Variants in SMYD3 observed in about 807,000 individuals in gnomAD.
SMYD3 encodes the protein histone-lysine N-methyltransferase SMYD3.
Under a neutral mutation model 57.7 loss-of-function variants are expected in SMYD3, and 36 were observed. The ratio of observed to expected loss-of-function variants is 0.62; its 90% confidence interval spans 0.48 to 0.82. SMYD3 has a LOEUF of 0.82. Ranked by LOEUF, SMYD3 falls within the 40% of genes least tolerant of loss-of-function variation. The pLI, the probability that SMYD3 is intolerant of heterozygous loss-of-function variation, is 0.00. For missense variants in SMYD3, 515 were observed against 538.8 expected (o/e 0.96, Z 0.44); for synonymous variants, 211 against 195.0 (o/e 1.08, Z -0.68).
At chr1:246,087,011 G>C (rs1290545303) in intron 5 of SMYD3, among the ~76,000 whole-genome samples, 2 of 152,152 alleles carry the variant, frequency 1.3e-5, no homozygotes, top group Non-Finnish European at 2.9e-5. Context: ...GTTTGCTGAG[G>C]ATAATGGCTT....
At chr1:246,459,372 C>T (rs894134326) in intron 1 of SMYD3, among the ~76,000 whole-genome samples, 3 of 151,992 alleles carry the variant, frequency 2.0e-5, no homozygotes, top group African/African-American at 4.8e-5. Flanking sequence ...TCCCCATTCA[C>T]TCTCTCCTGC....
chr1:246,010,376 G>A (rs1046246664), intron 5 of SMYD3, among the ~76,000 whole-genome samples: 13 of 152,132 alleles, frequency 8.5e-5, no homozygotes, highest in Admixed American at 8.5e-4. Flanking sequence ...TCTCCATGCA[G>A]AGAAAGACCT....
chr1:245,797,971 A>G (rs952960189), intron 10 of SMYD3, among the ~76,000 whole-genome samples: 1 of 152,074 alleles, frequency 6.6e-6, no homozygotes, highest in Admixed American at 6.6e-5. Context: ...TCAGTACGTG[A>G]GAATTTTGGG....
At chr1:246,026,259 AAAG>A (rs569036328) in intron 5 of SMYD3, among the ~76,000 whole-genome samples, 45 of 152,362 alleles carry the variant, frequency 3.0e-4, no homozygotes, top group African/African-American at 1.1e-3. Flanking sequence ...AAGAGAGCAT[AAAG>A]AAGTCTTAGA....
chr1:246,002,735 C>A (rs549211267), intron 5 of SMYD3, among the ~76,000 whole-genome samples: 1 of 151,632 alleles, frequency 6.6e-6, no homozygotes, highest in Admixed American at 6.6e-5. Context: ...GACAGGCGCC[C>A]GCCACCACGC....
chr1:246,108,951 T>C (rs1240422762), intron 5 of SMYD3, among the ~76,000 whole-genome samples: 5 of 152,240 alleles, frequency 3.3e-5, no homozygotes, highest in Non-Finnish European at 7.3e-5. Context: ...CACCATCTTC[T>C]GTGTAGTCTT....
intron 5 of SMYD3, among the ~76,000 whole-genome samples, chr1:246,124,548 C>T (rs1257925330): frequency 6.6e-6 from 1 of 152,052 alleles, no homozygotes; most frequent in East Asian, 1.9e-4. Flanking sequence ...CTATTAGGTG[C>T]AAAACACTGA....
intron 5 of SMYD3, among the ~76,000 whole-genome samples, chr1:246,264,424 A>C (rs2064066849): frequency 6.6e-6 from 1 of 152,238 alleles, no homozygotes; most frequent in Non-Finnish European, 1.5e-5. Context: ...CCAAGGTAGG[A>C]GGATGGCTTC....
chr1:246,324,233 G>C (rs2065300016), intron 5 of SMYD3, among the ~76,000 whole-genome samples: 1 of 151,922 alleles, frequency 6.6e-6, no homozygotes, highest in African/African-American at 2.4e-5. Context: ...TGGCCAACGT[G>C]GTGCAACGTT....
intron 5 of SMYD3, among the ~76,000 whole-genome samples, chr1:246,159,492 T>C (rs1003691171): frequency 8.6e-5 from 13 of 151,784 alleles, no homozygotes; most frequent in African/African-American, 3.2e-4. Flanking sequence ...CTCTAAACTG[T>C]CCCACAGATA....
chr1:246,124,154 C>G (rs1474164299), intron 5 of SMYD3, among the ~76,000 whole-genome samples: 1 of 152,190 alleles, frequency 6.6e-6, no homozygotes, highest in Non-Finnish European at 1.5e-5. Context: ...GCAAAAGCAA[C>G]TGTTTTAATA....
chr1:246,130,737 T>A (rs982774941), intron 5 of SMYD3, among the ~76,000 whole-genome samples: 9 of 152,314 alleles, frequency 5.9e-5, no homozygotes, highest in Admixed American at 5.9e-4. Flanking sequence ...ATTTCCTTTC[T>A]CCTGCCTGAA....
intron 1 of SMYD3, among the ~76,000 whole-genome samples, chr1:246,391,749 G>C (rs1446020043): frequency 1.3e-5 from 2 of 152,074 alleles, no homozygotes; most frequent in East Asian, 3.9e-4. Context: ...AGAGAGGGAA[G>C]AATTTTCTGA....
chr1:245,877,538 T>C (rs12123605), intron 8 of SMYD3, among the ~76,000 whole-genome samples: 91,995 of 152,042 alleles, frequency 0.61, 30,873 homozygotes, highest in Non-Finnish European at 0.77. Flanking sequence ...AGAGATGACA[T>C]GAATCTGAAT....
At chr1:245,913,403 C>T (rs1407236464) in intron 8 of SMYD3, among the ~76,000 whole-genome samples, 3 of 151,452 alleles carry the variant, frequency 2.0e-5, no homozygotes, top group Admixed American at 6.6e-5. Context: ...AGGAGATATA[C>T]CTAATGTAAA....
intron 10 of SMYD3, among the ~76,000 whole-genome samples, chr1:245,825,531 G>A (rs146097509): frequency 0.024 from 3,597 of 152,210 alleles, 80 homozygotes; most frequent in Middle Eastern, 0.058. Flanking sequence ...CTTCAGGCTG[G>A]AAGGGGCTCA....
chr1:246,008,494 C>G (rs150201085), intron 5 of SMYD3, among the ~76,000 whole-genome samples: 2 of 152,334 alleles, frequency 1.3e-5, no homozygotes, highest in East Asian at 3.9e-4. Flanking sequence ...CATTTCTGTA[C>G]TTAGAAGTCG....
At chr1:246,108,232 G>A (rs1034384555) in intron 5 of SMYD3, among the ~76,000 whole-genome samples, 5 of 152,174 alleles carry the variant, frequency 3.3e-5, no homozygotes, top group African/African-American at 1.2e-4. Context: ...TGTGTCAGAG[G>A]CTGTGGAACA....
intron 5 of SMYD3, among the ~76,000 whole-genome samples, chr1:246,115,958 G>T (rs1044645341): frequency 6.6e-6 from 1 of 151,788 alleles, no homozygotes; most frequent in East Asian, 1.9e-4. Context: ...GGCCAACATG[G>T]TGAAACCCCA....
Sources: allele counts gnomAD v4.1 joint callset (sites outside exome capture counted in the v4.1 genomes callset), GRCh38; gene constraint gnomAD v4.1.1; transcripts MANE v1.5; gene names NCBI Gene and HGNC (gene_info 2026-07-23, HGNC 2026-07-21).